Variants in AFF2 observed in about 807,000 individuals in gnomAD.
AFF2 encodes the protein ALF transcription elongation factor 2.
Under a neutral mutation model 76.9 loss-of-function variants are expected in AFF2, and 14 were observed. That is an observed-to-expected ratio of 0.18 (90% confidence interval 0.12 to 0.28). The LOEUF is 0.28. Ranked by LOEUF, AFF2 falls within the 10% of genes least tolerant of loss-of-function variation. The pLI is 1.00. For missense variants in AFF2, 868 were observed against 1,001.1 expected, an observed-to-expected ratio of 0.87 and a Z score of 1.79; for synonymous variants, 398 against 366.7, an observed-to-expected ratio of 1.09 and a Z score of -0.98.
At chrX:148,964,927 A>T (rs7876873) in intron 13 of AFF2, among the ~76,000 whole-genome samples, 2 of 113,021 alleles carry the variant, frequency 1.8e-5, no homozygotes, top group Non-Finnish European at 1.9e-5. Context: ...TCATCAAATC[A>T]GGAAAGTGAA....
intron 7 of AFF2, among the ~76,000 whole-genome samples, chrX:148,858,047 C>T (rs1458597005): frequency 1.8e-5 from 2 of 111,376 alleles, no homozygotes; most frequent in Non-Finnish European, 3.8e-5. Context: ...AAATTTGAAC[C>T]TGTGGTATAA....
At chrX:148,726,272 C>A (rs143737914) in intron 3 of AFF2, among the ~76,000 whole-genome samples, 1 of 111,900 alleles carries the variant, frequency 8.9e-6, no homozygotes, top group East Asian at 2.8e-4. Context: ...TGAGACTTAG[C>A]GTCCAAGGTT....
chrX:148,792,385 G>A (rs1427408665), intron 3 of AFF2, among the ~76,000 whole-genome samples: 8 of 112,524 alleles, frequency 7.1e-5, no homozygotes, highest in African/African-American at 2.6e-4. Context: ...CTCAGGAGGC[G>A]GAGATTGCAG....
chrX:148,776,919 A>G (rs782611087), intron 3 of AFF2, among the ~76,000 whole-genome samples: 2 of 112,102 alleles, frequency 1.8e-5, no homozygotes, highest in South Asian at 3.7e-4. Context: ...TTTAGTCATA[A>G]AGTCTTTGCC....
At chrX:148,908,214 GACAT>G (rs1164843807) in intron 9 of AFF2, among the ~76,000 whole-genome samples, 1 of 111,014 alleles carries the variant, frequency 9.0e-6, no homozygotes, top group African/African-American at 3.3e-5. Context: ...GTCCTGAGGC[GACAT>G]ACATCCTCCT....
chrX:148,945,363 G>C (rs1324785319), intron 9 of AFF2, among the ~76,000 whole-genome samples: 1 of 112,391 alleles, frequency 8.9e-6, no homozygotes, highest in Non-Finnish European at 1.9e-5. Context: ...AACTTTCTCT[G>C]TTGCTAAAGG....
At position 148,671,657 on chromosome X, in the gene AFF2, G is replaced by A. The variant is rs241121; in HGVS notation, c.1041+8889G>A. Among the ~76,000 whole-genome samples the A allele has an allele frequency of 3.6e-5, 4 of 110,608 alleles. No individual in the cohort carries two copies. In the South Asian group the frequency reaches 1.1e-3, roughly 32 times the overall value. Reference sequence around the variant, plus strand: ...AACATGAAGGGATCTGAGCCCTGCCGGCACACATTCAGAACAGTTTCTGAC... The same window carrying A: ...AACATGAAGGGATCTGAGCCCTGCCAGCACACATTCAGAACAGTTTCTGAC... On this transcript the variant is annotated intron_variant, in intron 3 of 20. Transcript: ENST00000370460.
chrX:148,554,529 C>T (rs941933689), intron 1 of AFF2, among the ~76,000 whole-genome samples: 1 of 111,905 alleles, frequency 8.9e-6, no homozygotes, highest in Non-Finnish European at 1.9e-5. Flanking sequence ...CCATCACAGT[C>T]TCAATCCTGC....
chrX:148,541,643 G>A (rs2052858802), intron 1 of AFF2, among the ~76,000 whole-genome samples: 1 of 110,993 alleles, frequency 9.0e-6, no homozygotes, highest in Non-Finnish European at 1.9e-5. Context: ...AGATGGGGGT[G>A]GATAGCATAG....
intron 1 of AFF2, among the ~76,000 whole-genome samples, chrX:148,605,240 A>G (rs2053662030): frequency 2.7e-5 from 3 of 112,139 alleles, no homozygotes; most frequent in Non-Finnish European, 5.6e-5. Context: ...CTGTGAATAT[A>G]TGTTATTTGA....
At chrX:148,505,913 ACTC>A (rs1195254487) in intron 1 of AFF2, among the ~76,000 whole-genome samples, 1 of 110,164 alleles carries the variant, frequency 9.1e-6, no homozygotes, top group Non-Finnish European at 1.9e-5. Context: ...TGATTAAAGA[ACTC>A]AAGACCAAAC....
chrX:148,666,056 T>C (rs1569552809), intron 3 of AFF2, among the ~76,000 whole-genome samples: 1 of 111,888 alleles, frequency 8.9e-6, no homozygotes, highest in Non-Finnish European at 1.9e-5. Flanking sequence ...TATTTATGAA[T>C]TGAGAGATCA....
intron 3 of AFF2, among the ~76,000 whole-genome samples, chrX:148,739,689 T>A (rs1172151899): frequency 3.6e-5 from 4 of 111,282 alleles, no homozygotes; most frequent in Non-Finnish European, 7.5e-5. Flanking sequence ...GCCTGTGTAC[T>A]TTTTTTTAGT....
chrX:148,747,882 A>T (rs1196571939), intron 3 of AFF2, among the ~76,000 whole-genome samples: 3 of 111,548 alleles, frequency 2.7e-5, no homozygotes, highest in Non-Finnish European at 3.8e-5. Context: ...TCTTGCGGAA[A>T]AAAAGATGAT....
chrX:148,512,333 C>A (rs1248723959), intron 1 of AFF2, among the ~76,000 whole-genome samples: 2 of 112,084 alleles, frequency 1.8e-5, no homozygotes, highest in Non-Finnish European at 3.8e-5. Context: ...ATGATGAAGA[C>A]TGTTTTCATT....
Position 148,830,212 on chromosome X carries a change from G to C in AFF2, c.1087-7435G>C, listed in dbSNP as rs187654126. Among the ~76,000 whole-genome samples the C allele has an allele frequency of 6.9e-3, 771 of 112,160 alleles. 5 individuals carry two copies. The highest frequency in any genetic ancestry group is 0.011 in the Non-Finnish European group (593 of 53,168). On this transcript the variant is annotated intron_variant, in intron 4 of 20. Transcript: ENST00000370460. The stretch of plus-strand genomic sequence containing the variant: ...CTCTAAGGGAATTTCGTTTGGAACA[G>C]CCAAGCTCCCTGACCCTGAGCAAAG...
At chrX:148,983,807 CCTT>C (rs1432348161) in intron 19 of AFF2, among the ~76,000 whole-genome samples, 3 of 108,947 alleles carry the variant, frequency 2.8e-5, no homozygotes, top group Non-Finnish European at 5.7e-5. Context: ...ATGCTCTTCT[CCTT>C]CTACCTTCCA....
chrX:148,548,015 A>G (rs1381796416), intron 1 of AFF2, among the ~76,000 whole-genome samples: 1 of 112,295 alleles, frequency 8.9e-6, no homozygotes, highest in African/African-American at 3.2e-5. Context: ...TTGTAATTTA[A>G]CAGAGGCCAT....
At chrX:148,860,109 T>C (rs2070830827) in intron 7 of AFF2, among the ~76,000 whole-genome samples, 2 of 112,084 alleles carry the variant, frequency 1.8e-5, no homozygotes, top group Admixed American at 1.9e-4. Flanking sequence ...CAGCAGATTT[T>C]GCTAACACAA....
Sources: allele counts gnomAD v4.1 joint callset (sites outside exome capture counted in the v4.1 genomes callset), GRCh38; gene constraint gnomAD v4.1.1; transcripts MANE v1.5; gene names NCBI Gene and HGNC (gene_info 2026-07-23, HGNC 2026-07-21).